The following KIF15 variants were observed in gnomAD, a reference collection of about 807,000 sequenced individuals.
The protein encoded by KIF15 is kinesin family member 15.
In KIF15, 140 loss-of-function variants were observed where a neutral mutation model predicts 190.6. The ratio of observed to expected loss-of-function variants is 0.73; its 90% CI spans 0.64 to 0.84. The LOEUF is 0.84. Among genes scored for constraint, KIF15 ranks in the 40% least tolerant of loss-of-function variants. The pLI is 0.00. For synonymous variants in KIF15, 528 were observed against 551.3 expected (o/e 0.96, Z 0.59); for missense variants, 1,372 against 1,584.4 (o/e 0.87, Z 2.28).
chr3:44,856,433 A>G (rs7611045), downstream of KIF15, among the ~76,000 whole-genome samples: 2,835 of 152,330 alleles, frequency 0.019, 75 homozygotes, highest in African/African-American at 0.063. Context: ...GAGGCGGGTT[A>G]GCGGCTTGTA....
At chr3:44,776,252 T>TC (rs1208780838) in intron 3 of KIF15, among the ~76,000 whole-genome samples, 137 of 151,030 alleles carry the variant, frequency 9.1e-4, no homozygotes, top group East Asian at 2.7e-3. Context: ...TTTTTTTTTT[T>TC]CCCCCCACTA....
chr3:44,856,941 C>A (rs1699195748), downstream of KIF15, among the ~76,000 whole-genome samples: 2 of 152,092 alleles, frequency 1.3e-5, no homozygotes, highest in South Asian at 4.1e-4. Context: ...GTTCGGCTTG[C>A]TGAGAGGTAG....
chr3:44,776,070 ACT>A (rs1199358053), intron 3 of KIF15, among the ~76,000 whole-genome samples: 2 of 145,908 alleles, frequency 1.4e-5, no homozygotes, highest in East Asian at 2.0e-4. Context: ...ACAGAGCAAG[ACT>A]CTGTCTCAAA....
At chr3:44,867,759 T>C (rs1434032331) in intron 6 of KIF15, among the ~76,000 whole-genome samples, 2 of 152,268 alleles carry the variant, frequency 1.3e-5, no homozygotes, top group Non-Finnish European at 2.9e-5. Context: ...GATACAACTC[T>C]ATAGTCATCT....
chr3:44,863,845 T>A (rs922710864), intron 6 of KIF15: 2 of 253,718 alleles, frequency 7.9e-6, no homozygotes. Context: ...AAGAACTACT[T>A]GGCCCTCTGG....
rs928246650 is a variant in KIF15, at chr3:44,805,251, G to A, written c.1829+83G>A. 25 of 1,327,650 alleles carry A rather than the reference G, an allele frequency of 1.9e-5. No individual in the cohort carries two copies. The African/African-American group carries it at 3.7e-4, about 20-fold the overall frequency. The allele number at this position is 1,327,650 out of a possible 1,614,324, so 82.2% of individuals were successfully genotyped here. On this transcript the variant is annotated intron_variant, in intron 15 of 34. Transcript: ENST00000326047. ...AGTGTTAATATCGATAATTCAATTG[G>A]GCATTTTACTTTAAATATTAAACTC...
At chr3:44,833,137 T>C (rs1698151677) in intron 26 of KIF15, among the ~76,000 whole-genome samples, 1 of 152,096 alleles carries the variant, frequency 6.6e-6, no homozygotes, top group Admixed American at 6.6e-5. Flanking sequence ...CTGTGTGACC[T>C]TGGGGAAGTT....
At chr3:44,782,927 C>T (rs1706233732) in intron 5 of KIF15, among the ~76,000 whole-genome samples, 1 of 152,098 alleles carries the variant, frequency 6.6e-6, no homozygotes. Flanking sequence ...TCATATAGGC[C>T]TGGTGAGGAT....
At chr3:44,801,397 C>T (rs1707271126) in intron 11 of KIF15, 53 bp from the exon 12 acceptor site, 1 of 1,068,206 alleles carries the variant, frequency 9.4e-7, no homozygotes, top group Non-Finnish European at 1.4e-6. Flanking sequence ...CTTGGTTTTG[C>T]AATGTGATAA....
chr3:44,845,983 T>C (rs1430006690), intron 30 of KIF15, among the ~76,000 whole-genome samples: 1 of 152,242 alleles, frequency 6.6e-6, no homozygotes, highest in East Asian at 1.9e-4. Context: ...GATACATTAA[T>C]GGCCCGTCAT....
At position 44,851,796 on chromosome 3, in the gene KIF15, A is replaced by C. The variant is rs17076986; in HGVS notation, c.3816A>C (p.Glu1272Asp). The C allele has an allele frequency of 4.0e-3, 6,425 of 1,612,336 alleles. 167 individuals are homozygous for C. The African/African-American group carries it at 0.066, about 17-fold the overall frequency. ...EMLKMKADLE[E>D]VQSALYNKEM... ...TAACCTATTCCTACAGCCTAGAAGAAGTCCAAAGTGCCCTTTACAACAAAG... is the reference window on the plus strand; with the variant it reads ...TAACCTATTCCTACAGCCTAGAAGACGTCCAAAGTGCCCTTTACAACAAAG... The change falls in exon 33 of 35, where the codon GAA becomes GAC. Residue 1272 changes from glutamate to aspartate, a missense_variant. Glu to Asp is a conservative substitution (Grantham distance 45). Transcript: ENST00000326047.
intron 4 of KIF15, among the ~76,000 whole-genome samples, chr3:44,778,675 T>A (rs146710759): frequency 7.2e-4 from 110 of 152,226 alleles, no homozygotes; most frequent in African/African-American, 2.6e-3. Context: ...TATATAACTT[T>A]TTTTTGTAAG....
In KIF15 at chr3:44,838,513, G is replaced by C. The variant is rs145914404; in HGVS notation, c.3318+92G>C. 10,457 of 1,285,310 alleles carry C rather than the reference G, an allele frequency of 8.1e-3. 77 individuals are homozygous for C. The highest frequency in any genetic ancestry group is 0.03 in the Middle Eastern group (129 of 4,318). The allele number at this position is 1,285,310 out of a possible 1,614,324, so 79.6% of individuals were successfully genotyped here. A position where few individuals can be genotyped will look rare whatever the true frequency, so the allele number is the denominator to read the frequency against. On this transcript the variant is annotated intron_variant, in intron 27 of 34. Transcript: ENST00000326047. ...AATCCCAGCACTTTGAGAGGCCAAG[G>C]GGGTGGACCACTTGAAGTCAGGAGT...
At position 44,851,875 on chromosome 3, in the gene KIF15, T is replaced by C; in HGVS notation, c.3895T>C (p.Ser1299Pro). Residue 1299 changes from serine to proline, a missense_variant, in exon 33 of 35, where the codon TCT becomes CCT. Coordinates refer to ENST00000326047, the MANE Select transcript of KIF15 (RefSeq NM_020242.3). Reference protein sequence around the residue: ...DEVERTQTLESKAFQEKEQLR... With the variant: ...DEVERTQTLEPKAFQEKEQLR... ...AGTCGAACGAACCCAAACTTTGGAGTCTAAAGCATTCCAGGAAAAAGAACA... is the reference window on the plus strand; with the variant it reads ...AGTCGAACGAACCCAAACTTTGGAGCCTAAAGCATTCCAGGAAAAAGAACA... 1 of 1,613,880 alleles carries C rather than the reference T, an allele frequency of 6.2e-7. No homozygotes were observed.
intron 19 of KIF15, among the ~76,000 whole-genome samples, chr3:44,813,857 A>T (rs1707913691): frequency 6.6e-6 from 1 of 152,016 alleles, no homozygotes; most frequent in African/African-American, 2.4e-5. Context: ...ACCTCAGGTG[A>T]TCCACCCACC....
At chr3:44,854,061 G>C (rs1699153164), downstream of KIF15, among the ~76,000 whole-genome samples, 1 of 152,164 alleles carries the variant, frequency 6.6e-6, no homozygotes, top group African/African-American at 2.4e-5. Context: ...GCTTTGTGAT[G>C]ATGGCTACAC....
chr3:44,851,540 A>AT (rs1185827444), intron 32 of KIF15, among the ~76,000 whole-genome samples: 4 of 152,082 alleles, frequency 2.6e-5, no homozygotes, highest in African/African-American at 9.7e-5. Flanking sequence ...TTTATTCTAA[A>AT]TTTTTTTTGT....
rs1269929145 is a variant in KIF15, at chr3:44,852,808, C to G, written c.*73C>G. 1 of 1,244,334 alleles carries G rather than the reference C, an allele frequency of 8.0e-7. No homozygotes were observed. The highest frequency in any genetic ancestry group is 1.1e-6 in the Non-Finnish European group (1 of 879,492). The allele number at this position is 1,244,334 out of a possible 1,614,324, so 77.1% of individuals were successfully genotyped here. ...TCTCTTTTACAAGTAAGACCTACTCCTGGCCACTTAGGAGAGCTGAATTTA... is the reference window on the plus strand; with the variant it reads ...TCTCTTTTACAAGTAAGACCTACTCGTGGCCACTTAGGAGAGCTGAATTTA... On this transcript the variant is annotated 3_prime_UTR_variant, in exon 35 of 35. Coordinates refer to ENST00000326047, the MANE Select transcript of KIF15 (RefSeq NM_020242.3).
rs200234331 is a variant in KIF15 at position 44,797,693 on chromosome 3, G to C, written c.975+17G>C. The C allele has an allele frequency of 1.9e-6, 3 of 1,612,508 alleles. No individual in the cohort carries two copies. In the East Asian group the frequency reaches 6.7e-5, roughly 36 times the overall value. ...TTACTACGGGTAAAGTAGATCCTTGGGTTCCTGGGCTCCTTTTGGTTATGC... is the reference window on the plus strand; with the variant it reads ...TTACTACGGGTAAAGTAGATCCTTGCGTTCCTGGGCTCCTTTTGGTTATGC... On this transcript the variant is annotated intron_variant, in intron 9 of 34. Transcript: ENST00000326047.
Sources: allele counts gnomAD v4.1 joint callset (sites outside exome capture counted in the v4.1 genomes callset), GRCh38; gene constraint gnomAD v4.1.1; transcripts MANE v1.5; gene names NCBI Gene and HGNC (gene_info 2026-07-23, HGNC 2026-07-21).